The following NKAIN2 variants were observed in gnomAD, a reference collection of about 807,000 sequenced individuals.
NKAIN2 encodes the protein sodium/potassium transporting ATPase interacting 2, also known as sodium/potassium-transporting ATPase subunit beta-1-interacting protein 2.
A neutral mutation model predicts 32.6 loss-of-function variants in NKAIN2; 14 were observed. That is an observed-to-expected ratio of 0.43 (90% CI 0.28 to 0.67). The LOEUF (loss-of-function observed/expected upper bound fraction) is 0.67. Among genes scored for constraint, NKAIN2 ranks in the 30% least tolerant of loss-of-function variants. NKAIN2 has a pLI of 0.17. For missense variants in NKAIN2, 198 were observed against 258.3 expected, an observed-to-expected ratio of 0.77 and a Z score of 1.60; for synonymous variants, 80 against 87.2, an observed-to-expected ratio of 0.92 and a Z score of 0.46.
At chr6:124,678,853 G>C (rs990206045) in intron 4 of NKAIN2, among the ~76,000 whole-genome samples, 6 of 152,134 alleles carry the variant, frequency 3.9e-5, no homozygotes, top group African/African-American at 1.4e-4. Context: ...AAAGATCTTT[G>C]TTAATCAACC....
chr6:124,413,094 A>T, intron 3 of NKAIN2, among the ~76,000 whole-genome samples: 1 of 152,088 alleles, frequency 6.6e-6, no homozygotes, highest in Non-Finnish European at 1.5e-5. Flanking sequence ...TGACTAGGAA[A>T]GGGAATTCCC....
chr6:124,712,172 C>G (rs558521609), intron 4 of NKAIN2, among the ~76,000 whole-genome samples: 7 of 150,984 alleles, frequency 4.6e-5, no homozygotes, highest in Non-Finnish European at 1.0e-4. Context: ...GCAGTCTGCC[C>G]GTTCTCAGAT....
chr6:124,165,505 A>G (rs555850908), intron 1 of NKAIN2, among the ~76,000 whole-genome samples: 1 of 151,782 alleles, frequency 6.6e-6, no homozygotes, highest in Admixed American at 6.6e-5. Flanking sequence ...CAGTTTATGT[A>G]TTTTTTTATT....
At chr6:124,382,419 G>A (rs751944894) in intron 3 of NKAIN2, among the ~76,000 whole-genome samples, 1 of 152,122 alleles carries the variant, frequency 6.6e-6, no homozygotes, top group African/African-American at 2.4e-5. Flanking sequence ...ACTCTGATGG[G>A]CCCAGTCCCA....
At chr6:124,294,342 T>C (rs1366028969) in intron 2 of NKAIN2, among the ~76,000 whole-genome samples, 1 of 152,148 alleles carries the variant, frequency 6.6e-6, no homozygotes, top group Admixed American at 6.6e-5. Context: ...TCCCTCTCAA[T>C]GACCTAATCA....
At chr6:124,807,826 C>T (rs889493782) in intron 5 of NKAIN2, among the ~76,000 whole-genome samples, 1 of 150,344 alleles carries the variant, frequency 6.7e-6, no homozygotes, top group Admixed American at 6.7e-5. Flanking sequence ...CACAGAAATA[C>T]AAACTACCGT....
intron 1 of NKAIN2, among the ~76,000 whole-genome samples, chr6:123,955,113 C>T (rs533308856): frequency 5.0e-5 from 7 of 139,884 alleles, no homozygotes; most frequent in Admixed American, 2.3e-4. Context: ...AAACTTTAAG[C>T]AAATATTCAT....
Position 124,376,504 on chromosome 6 carries a change from A to G in NKAIN2, c.273+21157A>G, listed in dbSNP as rs1046276383. Among the ~76,000 whole-genome samples, 3 of 152,302 alleles carry G rather than the reference A, an allele frequency of 2.0e-5. No homozygotes were observed. In the South Asian group the frequency reaches 6.2e-4, roughly 32 times the overall value. The stretch of plus-strand genomic sequence containing the variant: ...AATAAAGCCTCCTGCAAGGAGAATT[A>G]GCATTGAGTGTATGCAATATGTATT... On this transcript the variant is annotated intron_variant, in intron 3 of 6. Transcript: ENST00000368417.
At chr6:124,028,754 T>C (rs2114779494) in intron 1 of NKAIN2, among the ~76,000 whole-genome samples, 1 of 147,774 alleles carries the variant, frequency 6.8e-6, no homozygotes, top group African/African-American at 2.5e-5. Context: ...TGTGTATATA[T>C]ACAAGTATAT....
chr6:124,709,015 C>G (rs1443139877), intron 4 of NKAIN2, among the ~76,000 whole-genome samples: 1 of 136,282 alleles, frequency 7.3e-6, no homozygotes, highest in Non-Finnish European at 1.6e-5. Context: ...TACGTCCCGT[C>G]AATACCTAAT....
At chr6:124,138,935 G>T (rs1015731738) in intron 1 of NKAIN2, among the ~76,000 whole-genome samples, 6 of 151,130 alleles carry the variant, frequency 4.0e-5, no homozygotes, top group Non-Finnish European at 8.8e-5. Flanking sequence ...GAATGGTGAA[G>T]AGGGATGAGG....
At chr6:124,185,545 ACAAAT>A (rs1231971148) in intron 1 of NKAIN2, among the ~76,000 whole-genome samples, 1 of 152,218 alleles carries the variant, frequency 6.6e-6, no homozygotes, top group Non-Finnish European at 1.5e-5. Flanking sequence ...TGCTTTTATA[ACAAAT>A]CAAAATGTCT....
At chr6:124,036,129 T>C (rs1001494483) in intron 1 of NKAIN2, among the ~76,000 whole-genome samples, 12 of 152,132 alleles carry the variant, frequency 7.9e-5, no homozygotes, top group African/African-American at 2.9e-4. Context: ...CATATTACCA[T>C]TGATTTCATA....
At chr6:124,520,215 A>G (rs1473727714) in intron 3 of NKAIN2, among the ~76,000 whole-genome samples, 1 of 152,162 alleles carries the variant, frequency 6.6e-6, no homozygotes, top group South Asian at 2.1e-4. Context: ...AAAAAAAGAA[A>G]AGAAAAAGAG....
chr6:124,400,656 G>A (rs1363714050), intron 3 of NKAIN2, among the ~76,000 whole-genome samples: 1 of 152,052 alleles, frequency 6.6e-6, no homozygotes, highest in East Asian at 1.9e-4. Flanking sequence ...CAAAAAAGAA[G>A]ATTCTAAAAT....
At chr6:124,713,123 C>T (rs373247217) in intron 4 of NKAIN2, among the ~76,000 whole-genome samples, 3 of 151,870 alleles carry the variant, frequency 2.0e-5, no homozygotes, top group Admixed American at 6.6e-5. Context: ...TAAAGCACCA[C>T]AAAAAAATAA....
intron 1 of NKAIN2, among the ~76,000 whole-genome samples, chr6:123,900,532 GTTTTTTTTTTTTTTTTTTT>G (rs34370743): frequency 0.046 from 1,502 of 32,778 alleles, 60 homozygotes; most frequent in African/African-American, 0.069. Flanking sequence ...CTCCAGATTA[GTTTTTTTTTTTTTTTTTTT>G]TTTTTTTTTT....
chr6:124,784,428 G>A lies in NKAIN2; in HGVS notation c.475-6911G>A, dbSNP rs533353013. Among the ~76,000 whole-genome samples, 17 of 152,058 alleles carry A rather than the reference G, an allele frequency of 1.1e-4. 1 individual carries two copies. The South Asian group carries it at 1.9e-3, about 17-fold the overall frequency. On this transcript the variant is annotated intron_variant, in intron 4 of 6. Coordinates refer to ENST00000368417, the MANE Select transcript of NKAIN2 (RefSeq NM_001040214.3). ...CCCTGGAAACCACCAACCTGTTCTC[G>A]ATTTCTACAGTTTTATTATGTCAAG...
intron 3 of NKAIN2, among the ~76,000 whole-genome samples, chr6:124,582,373 T>G (rs1781555363): frequency 6.6e-6 from 1 of 152,106 alleles, no homozygotes; most frequent in Admixed American, 6.6e-5. Flanking sequence ...AGAAACAGGT[T>G]AATTCCTAGA....
Sources: gnomAD v4.1 joint callset for allele counts (sites outside exome capture counted in the v4.1 genomes callset) on GRCh38, gnomAD v4.1.1 for gene constraint, MANE v1.5 for transcripts, NCBI Gene and HGNC (gene_info 2026-07-23, HGNC 2026-07-21) for gene names.